The following ULK4 variants were observed in gnomAD, a reference collection of about 807,000 sequenced individuals.
ULK4 encodes the protein unc-51 like kinase 4.
In ULK4, 133 loss-of-function variants were observed where a neutral mutation model predicts 160.6. The observed-to-expected ratio is 0.83, with a 90% confidence interval of 0.72 to 0.96. ULK4 has a LOEUF of 0.96. ULK4 is among the 40% of genes least tolerant of loss of function. The pLI is 0.00. For synonymous variants in ULK4, 534 were observed against 539.8 expected (o/e 0.99, Z 0.15); for missense variants, 1,580 against 1,499.5 (o/e 1.05, Z -0.89).
At chr3:41,383,560 A>G (rs189201531) in intron 35 of ULK4, among the ~76,000 whole-genome samples, 160 of 152,320 alleles carry the variant, frequency 1.1e-3, no homozygotes, top group Middle Eastern at 3.4e-3. Flanking sequence ...TAAGTTGGTG[A>G]TGGTCAAAAT....
intron 22 of ULK4, among the ~76,000 whole-genome samples, chr3:41,720,893 C>T (rs1325231234): frequency 1.3e-5 from 2 of 152,036 alleles, no homozygotes; most frequent in East Asian, 1.9e-4. Flanking sequence ...ATAGATATAC[C>T]TGTACACATA....
intron 20 of ULK4, among the ~76,000 whole-genome samples, chr3:41,798,557 C>G (rs779657283): frequency 6.6e-6 from 1 of 151,958 alleles, no homozygotes; most frequent in Non-Finnish European, 1.5e-5. Context: ...TCCATAAATA[C>G]CCACAGGATT....
chr3:41,689,944 T>C (rs1169753421), intron 27 of ULK4, among the ~76,000 whole-genome samples: 3 of 148,858 alleles, frequency 2.0e-5, no homozygotes, highest in East Asian at 1.9e-4. Context: ...TTACTGGGTA[T>C]ATACCCAAAG....
At chr3:41,932,105 C>T (rs1455698866) in intron 4 of ULK4, 99 bp from the exon 5 acceptor site, 8 of 1,028,190 alleles carry the variant, frequency 7.8e-6, no homozygotes, top group East Asian at 2.8e-5. Flanking sequence ...TTCAGCATTG[C>T]TATTCTTTAT....
At position 41,322,324 on chromosome 3, in the gene ULK4, G is replaced by A. The variant is rs148108942; in HGVS notation, c.3679-72750C>T. On this transcript the variant is annotated intron_variant, in intron 35 of 36. Transcript: ENST00000301831. Reference sequence around the variant, plus strand: ...TGGGATTACAGGCATGTGCCACACTGCCTGGCCTCTAAAGCTTTTTTAATA... The same window carrying A: ...TGGGATTACAGGCATGTGCCACACTACCTGGCCTCTAAAGCTTTTTTAATA... Among the ~76,000 whole-genome samples, 499 of 152,072 alleles carry A rather than the reference G, an allele frequency of 3.3e-3. 3 individuals are homozygous for A. Among genetic ancestry groups the A allele is most frequent in the African/African-American group, 0.012 (479 of 41,470 alleles).
intron 17 of ULK4, among the ~76,000 whole-genome samples, chr3:41,863,528 ACAC>A (rs1354877368): frequency 6.6e-6 from 1 of 151,054 alleles, no homozygotes; most frequent in African/African-American, 2.4e-5. Context: ...TTTGCCCCAT[ACAC>A]CACAACTAGT....
chr3:41,249,407 G>A, intron 36 of ULK4, 82 bp downstream of exon 36: 7 of 1,272,346 alleles, frequency 5.5e-6, no homozygotes, highest in Non-Finnish European at 7.7e-6. Flanking sequence ...GGAGGGAGAT[G>A]AGTGGGAGGA....
chr3:41,797,514 A>G (rs1286129405), intron 20 of ULK4, among the ~76,000 whole-genome samples: 1 of 152,158 alleles, frequency 6.6e-6, no homozygotes, highest in Non-Finnish European at 1.5e-5. Flanking sequence ...TGACGTGAAA[A>G]ATACAAAAAC....
chr3:41,619,595 C>A (rs768547618), intron 30 of ULK4, among the ~76,000 whole-genome samples: 88 of 152,122 alleles, frequency 5.8e-4, no homozygotes, highest in Non-Finnish European at 9.8e-4. Context: ...GTACCAGAAT[C>A]TCTGGGACAC....
chr3:41,699,041 T>A (rs1265106313), intron 27 of ULK4, among the ~76,000 whole-genome samples: 2 of 152,228 alleles, frequency 1.3e-5, no homozygotes, highest in African/African-American at 4.8e-5. Context: ...AGACTGTTGA[T>A]GGGAATTTGG....
chr3:41,844,967 CTTTTT>C (rs201354327), intron 17 of ULK4, among the ~76,000 whole-genome samples: 2 of 143,530 alleles, frequency 1.4e-5, no homozygotes, highest in Non-Finnish European at 1.5e-5. Context: ...ACCCAGATAT[CTTTTT>C]TTTTTTTTTT....
At chr3:41,249,722 C>T (rs1464474157) in intron 35 of ULK4, 148 bp from the exon 36 acceptor site, 1 of 725,134 alleles carries the variant, frequency 1.4e-6, no homozygotes, top group African/African-American at 1.8e-5. Context: ...CTGTAACCCC[C>T]ATGCGTAACC....
intron 32 of ULK4, among the ~76,000 whole-genome samples, chr3:41,483,704 A>G (rs1266315156): frequency 6.6e-6 from 1 of 152,180 alleles, no homozygotes; most frequent in Non-Finnish European, 1.5e-5. Context: ...CCCTGTGAAT[A>G]TGATCTTACA....
chr3:41,642,669 T>G (rs925107702), intron 30 of ULK4, among the ~76,000 whole-genome samples: 2 of 152,232 alleles, frequency 1.3e-5, no homozygotes. Context: ...TGTGTCTTTA[T>G]AGCAGCATGA....
At chr3:41,826,708 T>G (rs571187965) in intron 18 of ULK4, among the ~76,000 whole-genome samples, 1 of 149,974 alleles carries the variant, frequency 6.7e-6, no homozygotes, top group African/African-American at 2.5e-5. Flanking sequence ...ACAATAATAA[T>G]AGGAGACTTT....
intron 32 of ULK4, among the ~76,000 whole-genome samples, chr3:41,510,045 A>G (rs1008770152): frequency 6.6e-6 from 1 of 152,226 alleles, no homozygotes; most frequent in Non-Finnish European, 1.5e-5. Context: ...GGCAGAATGA[A>G]TAAAAATTCA....
At chr3:41,721,360 A>ATT (rs1284559320) in intron 22 of ULK4, among the ~76,000 whole-genome samples, 26 of 51,482 alleles carry the variant, frequency 5.1e-4, no homozygotes, top group African/African-American at 1.5e-3. Context: ...ATATATATAT[A>ATT]TATTTTTTTT....
At chr3:41,841,649 G>T (rs924833875) in intron 17 of ULK4, among the ~76,000 whole-genome samples, 4 of 152,218 alleles carry the variant, frequency 2.6e-5, no homozygotes, top group Non-Finnish European at 4.4e-5. Flanking sequence ...AAGAGACAGC[G>T]ACCATCGAGA....
chr3:41,280,572 G>A (rs1034771673), intron 35 of ULK4, among the ~76,000 whole-genome samples: 4 of 152,116 alleles, frequency 2.6e-5, no homozygotes, highest in Admixed American at 1.3e-4. Context: ...AGTAAACAAC[G>A]AAATGAAGGC....
Sources: allele counts gnomAD v4.1 joint callset (sites outside exome capture counted in the v4.1 genomes callset), GRCh38; gene constraint gnomAD v4.1.1; transcripts MANE v1.5; gene names NCBI Gene and HGNC (gene_info 2026-07-23, HGNC 2026-07-21).